DENND10: variants seen among roughly 807,000 people sequenced by gnomAD.
DENND10 encodes DENN domain containing 10.
Under a neutral mutation model 43.6 loss-of-function variants are expected in DENND10, and 24 were observed. The ratio of observed to expected loss-of-function variants is 0.55; its 90% CI spans 0.40 to 0.77. The LOEUF is 0.77. Among genes scored for constraint, DENND10 ranks in the 30% least tolerant of loss-of-function variants. The pLI, the probability that DENND10 is intolerant of heterozygous loss-of-function variation, is 0.00. For synonymous variants in DENND10, 125 were observed against 157.6 expected, an observed-to-expected ratio of 0.79 and a Z score of 1.55; for missense variants, 303 against 429.9, an observed-to-expected ratio of 0.70 and a Z score of 2.61.
At chr10:119,116,665 C>CTTT (rs71016543) in intron 3 of DENND10, among the ~76,000 whole-genome samples, 1 of 132,258 alleles carries the variant, frequency 7.6e-6, no homozygotes, top group African/African-American at 2.7e-5. Context: ...TTCTTTCTTT[C>CTTT]TTTTTTTTTT....
At chr10:119,127,638 C>T (rs866545695) in intron 6 of DENND10, among the ~76,000 whole-genome samples, 9 of 141,560 alleles carry the variant, frequency 6.4e-5, no homozygotes, top group African/African-American at 1.5e-4. Flanking sequence ...GCCACCATGC[C>T]CAGCTAATTT....
chr10:119,105,662 A>T (rs945453106), intron 1 of DENND10: 2 of 321,798 alleles, frequency 6.2e-6, no homozygotes, highest in African/African-American at 4.5e-5. Flanking sequence ...TGAACTCAGC[A>T]GTTTTTTAAT....
rs1376322009 is a variant in DENND10, at chr10:119,123,567, C to T, written c.692C>T (p.Thr231Ile). The T allele has an allele frequency of 6.3e-7, 1 of 1,589,360 alleles. No individual in the cohort carries two copies. The highest frequency in any genetic ancestry group is 8.6e-7 in the Non-Finnish European group (1 of 1,158,370). ...GAGCTGGAAGCCCTGCAGATGTGCA[C>T]AGGTAGACAAGAGGATCCCAGGGGA... ...ADELEALQMC[T>I]GYVAGFVDLE... Residue 231 changes from threonine (T) to isoleucine (I), a missense_variant and splice_region_variant, in exon 6 of 9, where the codon ACA (threonine) becomes ATA (isoleucine). Transcript: ENST00000361432.
intron 3 of DENND10, among the ~76,000 whole-genome samples, chr10:119,115,425 T>C (rs1394047928): frequency 1.1e-5 from 1 of 91,496 alleles, no homozygotes; most frequent in African/African-American, 3.5e-5. Flanking sequence ...TCTCGCTCTG[T>C]CGCCCAGGCT....
At chr10:119,112,638 T>G (rs1301097435) in intron 3 of DENND10, among the ~76,000 whole-genome samples, 1 of 151,446 alleles carries the variant, frequency 6.6e-6, no homozygotes, top group Non-Finnish European at 1.5e-5. Context: ...GGACTGCAGG[T>G]GCGCACTTCC....
intron 3 of DENND10, among the ~76,000 whole-genome samples, chr10:119,115,549 G>A (rs910646775): frequency 4.3e-5 from 4 of 93,504 alleles, no homozygotes; most frequent in Admixed American, 1.2e-4. Context: ...CACTACGCCC[G>A]GCTAATTTTT....
intron 3 of DENND10, among the ~76,000 whole-genome samples, chr10:119,115,085 T>C (rs566274172): frequency 5.1e-4 from 77 of 152,218 alleles, no homozygotes; most frequent in Non-Finnish European, 9.0e-4. Flanking sequence ...TTTAGAAAGC[T>C]AATGGCATTT....
chr10:119,123,940 C>T (rs1465982581), intron 6 of DENND10, among the ~76,000 whole-genome samples: 1 of 150,146 alleles, frequency 6.7e-6, no homozygotes, highest in East Asian at 2.0e-4. Context: ...ACCTGTAATT[C>T]CAGCACTTTG....
intron 1 of DENND10, among the ~76,000 whole-genome samples, chr10:119,107,469 T>A (rs566899109): frequency 1.3e-5 from 2 of 151,580 alleles, no homozygotes; most frequent in South Asian, 4.2e-4. Flanking sequence ...AGTGGCGTGA[T>A]CTTGGCTGAC....
rs1208127946 is a variant in DENND10 at position 119,116,851 on chromosome 10, G to A, written c.333-668G>A. Among the ~76,000 whole-genome samples, 8 of 128,252 alleles carry A rather than the reference G, an allele frequency of 6.2e-5. No homozygotes were observed. The East Asian group carries it at 7.1e-4, about 11-fold the overall frequency. The allele number at this position is 128,252 out of a possible 152,430, so 84.1% of individuals were successfully genotyped here. A position where few individuals can be genotyped will look rare whatever the true frequency, so the allele number is the denominator to read the frequency against. On this transcript the variant is annotated intron_variant, in intron 3 of 8. Transcript: ENST00000361432. ...ACCTGGCTAATTTTTTTTTTTTTTT[G>A]GTATTTTTAGTAGAGGTGAGGTTTT... is the stretch of plus-strand genomic sequence containing the variant.
At chr10:119,109,140 C>T (rs36141039) in intron 2 of DENND10, among the ~76,000 whole-genome samples, 11 of 146,248 alleles carry the variant, frequency 7.5e-5, no homozygotes, top group East Asian at 2.1e-4. Flanking sequence ...CTCTTGAACC[C>T]GGGAGGCAGA....
At chr10:119,133,102 C>G (rs1423786607) in intron 8 of DENND10, 1 of 161,430 alleles carries the variant, frequency 6.2e-6, no homozygotes, top group Non-Finnish European at 1.4e-5. Context: ...TGGTGTCTAC[C>G]TGGCATGCTG....
chr10:119,110,852 C>T (rs1286821215), intron 2 of DENND10, among the ~76,000 whole-genome samples: 1 of 152,162 alleles, frequency 6.6e-6, no homozygotes, highest in Non-Finnish European at 1.5e-5. Context: ...TGTTGTTTTT[C>T]ATCCTTTTAT....
intron 1 of DENND10, chr10:119,104,831 C>T: frequency 6.6e-6 from 1 of 152,516 alleles, no homozygotes; most frequent in Non-Finnish European, 1.5e-5. Context: ...CAAATGGAGG[C>T]CCAGGCCGTC....
intron 6 of DENND10, among the ~76,000 whole-genome samples, chr10:119,124,962 GT>G (rs1190137571): frequency 6.6e-6 from 1 of 151,322 alleles, no homozygotes; most frequent in African/African-American, 2.4e-5. Context: ...AACCTGTAAA[GT>G]TTTTTTTTGT....
intron 2 of DENND10, among the ~76,000 whole-genome samples, chr10:119,110,784 T>A (rs1844937911): frequency 6.6e-6 from 1 of 152,122 alleles, no homozygotes; most frequent in Non-Finnish European, 1.5e-5. Flanking sequence ...CTTTTTAGCT[T>A]ATGGCACCCT....
chr10:119,122,631 C>T (rs1156824844), intron 5 of DENND10, among the ~76,000 whole-genome samples: 1 of 152,162 alleles, frequency 6.6e-6, no homozygotes, highest in African/African-American at 2.4e-5. Context: ...TTTAGCAGGG[C>T]ACCAGGGGTT....
intron 6 of DENND10, among the ~76,000 whole-genome samples, chr10:119,124,236 C>CT (rs141603185): frequency 0.023 from 3,385 of 150,338 alleles, 144 homozygotes; most frequent in African/African-American, 0.076. Context: ...TAGGATTTAC[C>CT]TTTTTTTGGC....
intron 8 of DENND10, 90 bp from the exon 9 acceptor site, chr10:119,136,379 AAC>A: frequency 6.9e-7 from 1 of 1,445,448 alleles, no homozygotes; most frequent in Non-Finnish European, 9.3e-7. Flanking sequence ...ATAGTTTATA[AAC>A]AGTCTGGAAA....
Sources: gnomAD v4.1 joint callset for allele counts (sites outside exome capture counted in the v4.1 genomes callset) on GRCh38, gnomAD v4.1.1 for gene constraint, MANE v1.5 for transcripts, NCBI Gene and HGNC (gene_info 2026-07-23, HGNC 2026-07-21) for gene names.